The following MYH10 variants were observed in gnomAD, a reference collection of about 807,000 sequenced individuals.
MYH10 encodes the protein myosin heavy chain 10.
A neutral mutation model predicts 257.8 loss-of-function variants in MYH10; 55 were observed. The ratio of observed to expected loss-of-function variants is 0.21; its 90% confidence interval spans 0.17 to 0.27. The LOEUF (loss-of-function observed/expected upper bound fraction) is 0.27, where lower values mean the gene tolerates loss of function less well. MYH10 is among the 10% of genes least tolerant of loss of function. The probability of loss-of-function intolerance (pLI) is 1.00; values close to 1 mark genes in which losing one functional copy is unlikely to be tolerated. For synonymous variants in MYH10, 854 were observed against 921.7 expected (o/e 0.93, Z 1.33); for missense variants, 1,631 against 2,500.6 (o/e 0.65, Z 7.42).
At chr17:8,568,002 C>T (rs1014817353) in intron 7 of MYH10, among the ~76,000 whole-genome samples, 1 of 152,146 alleles carries the variant, frequency 6.6e-6, no homozygotes, top group Non-Finnish European at 1.5e-5. Flanking sequence ...CGTCAGTTAC[C>T]TCTTCATCCC....
chr17:8,559,499 T>G (rs2082916887), intron 7 of MYH10, among the ~76,000 whole-genome samples: 1 of 152,176 alleles, frequency 6.6e-6, no homozygotes, highest in Non-Finnish European at 1.5e-5. Context: ...TTTATTCTTT[T>G]TTTTAGCATA....
intron 36 of MYH10, 103 bp from the exon 37 acceptor site, chr17:8,484,369 T>G: frequency 8.6e-7 from 1 of 1,166,742 alleles, no homozygotes. Flanking sequence ...CAGGCTGATC[T>G]CAAACTCAAG....
At chr17:8,537,137 G>C (rs1020006342) in intron 14 of MYH10, among the ~76,000 whole-genome samples, 7 of 152,140 alleles carry the variant, frequency 4.6e-5, no homozygotes, top group African/African-American at 1.7e-4. Context: ...AAATAGTGAT[G>C]GTCTATTTTC....
rs374580626 is a variant in MYH10, at chr17:8,492,297, G to A, written c.4671C>T (p.Asn1557=). 4.1e-5 allele frequency: 66 copies of A among 1,611,808 alleles called. No homozygotes were observed. Among genetic ancestry groups the A allele is most frequent in the East Asian group, 6.7e-5 (3 of 44,894 alleles). The change falls in exon 34 of 43, where the codon AAC becomes AAT. Residue 1557 remains asparagine, a splice_region_variant and synonymous_variant. Coordinates refer to ENST00000360416, the MANE Select transcript of MYH10 (RefSeq NM_001256012.3). ...LMSSKDDVGK[N]VHELEKSKRA... The stretch of plus-strand genomic sequence containing the variant: ...GTGTGGAGCCCACCAGGCGACTTAC[G>A]TTTTTTCCCACATCATCTTTGGAGC...
Position 8,495,237 on chromosome 17 carries a change from T to G in MYH10, c.3956A>C (p.Glu1319Ala). ...CAGAAGGGTGGAGACATTATCTAGC[T>G]CATTCTGTAAGGAGCAGAAGATTAA... ...LAEKASKLQN[E>A]LDNVSTLLEE... Residue 1319 changes from glutamate to alanine, a missense_variant, in exon 31 of 43, where the codon GAG becomes GCG. Physicochemically the swap from Glu to Ala is moderately radical, Grantham distance 107. This residue lies in a region of MYH10 where 463 missense variants were observed against 621.8 expected (regional missense o/e 0.74). Transcript: ENST00000360416. 2 of 1,597,520 alleles carry G rather than the reference T, an allele frequency of 1.3e-6. No individual in the cohort carries two copies. The highest frequency in any genetic ancestry group is 1.7e-6 in the Non-Finnish European group (2 of 1,165,454).
At chr17:8,622,158 G>C (rs1481795167) in intron 2 of MYH10, among the ~76,000 whole-genome samples, 2 of 152,116 alleles carry the variant, frequency 1.3e-5, no homozygotes, top group Non-Finnish European at 2.9e-5. Flanking sequence ...GTCAGTTTAA[G>C]TCCCACACGT....
At chr17:8,494,559 C>T (rs1916287545) in intron 31 of MYH10, among the ~76,000 whole-genome samples, 1 of 151,782 alleles carries the variant, frequency 6.6e-6, no homozygotes, top group South Asian at 2.1e-4. Flanking sequence ...TTTTTTAATC[C>T]CCAGCACCTA....
chr17:8,555,455 CAG>C (rs1228154238), intron 7 of MYH10, among the ~76,000 whole-genome samples: 4 of 152,146 alleles, frequency 2.6e-5, no homozygotes, highest in Non-Finnish European at 4.4e-5. Flanking sequence ...ATTAGTGAAA[CAG>C]AAGACAGTCC....
rs1016550339 is a variant in MYH10, at chr17:8,548,575, A to G, written c.1063+69T>C. The G allele has an allele frequency of 3.2e-5, 49 of 1,539,816 alleles. 1 individual carries two copies. In the South Asian group the frequency reaches 4.8e-4, roughly 15 times the overall value. ...TAGTTTCCCAGTCATTTTCTAGTTTAGGTGATTTACCCCAGATGTATAAGT... is the reference window on the plus strand; with the variant it reads ...TAGTTTCCCAGTCATTTTCTAGTTTGGGTGATTTACCCCAGATGTATAAGT... On this transcript the variant is annotated intron_variant, in intron 10 of 42. Transcript: ENST00000360416.
intron 7 of MYH10, among the ~76,000 whole-genome samples, chr17:8,563,894 A>T (rs1461486071): frequency 1.1e-3 from 156 of 148,018 alleles, no homozygotes; most frequent in Middle Eastern, 6.9e-3. Context: ...CAACTTGGAA[A>T]AAAAAAAAAA....
chr17:8,620,524 T>C lies in MYH10; in HGVS notation c.345+2378A>G, dbSNP rs2085424313. 2.0e-5 allele frequency among the ~76,000 whole-genome samples: 3 copies of C among 152,074 alleles called. No individual in the cohort carries two copies. In the South Asian group the frequency reaches 6.2e-4, roughly 31 times the overall value. On this transcript the variant is annotated intron_variant, in intron 2 of 42. Coordinates refer to ENST00000360416, the MANE Select transcript of MYH10 (RefSeq NM_001256012.3). ...CCAAAGAAAAGGTAAGAAAATAAAA[T>C]AACTAAACCTGTTAGCAAGCTAATT...
intron 6 of MYH10, chr17:8,573,906 G>A (rs1193596636): frequency 1.4e-6 from 1 of 691,206 alleles, no homozygotes; most frequent in Non-Finnish European, 1.8e-6. Context: ...ACAATGCCAA[G>A]TGCCAATGAG....
chr17:8,514,974 C>T (rs1005500337), intron 21 of MYH10, among the ~76,000 whole-genome samples: 2 of 152,154 alleles, frequency 1.3e-5, no homozygotes, highest in African/African-American at 4.8e-5. Context: ...TCCTGGGCCC[C>T]GCTAACAGTG....
Position 8,578,116 on chromosome 17 carries a change from C to T in MYH10, c.531-778G>A, listed in dbSNP as rs139676671. ...CCACTGAAAGCTTTCTCAGATCCCC[C>T]TCTCAGAGCAGGCTAGTGACGATTC... is the stretch of plus-strand genomic sequence containing the variant. On this transcript the variant is annotated intron_variant, in intron 4 of 42. Coordinates refer to ENST00000360416, the MANE Select transcript of MYH10 (RefSeq NM_001256012.3). Among the ~76,000 whole-genome samples, 314 of 152,284 alleles carry T rather than the reference C, an allele frequency of 2.1e-3. 2 individuals are homozygous for T. Among genetic ancestry groups the T allele is most frequent in the African/African-American group, 7.3e-3 (302 of 41,546 alleles).
intron 21 of MYH10, 59 bp downstream of exon 21, chr17:8,518,572 A>G (rs749600750): frequency 2.0e-5 from 30 of 1,537,920 alleles, no homozygotes; most frequent in Middle Eastern, 3.5e-4. Flanking sequence ...TCAAAATGCA[A>G]TGCTTATCTA....
At chr17:8,510,923 T>C (rs554231432) in intron 24 of MYH10, among the ~76,000 whole-genome samples, 1 of 151,506 alleles carries the variant, frequency 6.6e-6, no homozygotes, top group East Asian at 1.9e-4. Context: ...ATGATAAACA[T>C]GCTATTACAC....
At chr17:8,561,597 T>C in intron 7 of MYH10, 1 of 768,972 alleles carries the variant, frequency 1.3e-6, no homozygotes, top group South Asian at 1.3e-5. Context: ...TCTTAAAGAC[T>C]GAAGACAGAC....
intron 17 of MYH10, among the ~76,000 whole-genome samples, chr17:8,528,190 G>T (rs2081908347): frequency 6.6e-6 from 1 of 152,174 alleles, no homozygotes; most frequent in Admixed American, 6.5e-5. Context: ...GCAGGTGCAG[G>T]TATAAACTAG....
chr17:8,607,942 G>A (rs2084874333), intron 2 of MYH10, among the ~76,000 whole-genome samples: 1 of 152,178 alleles, frequency 6.6e-6, no homozygotes, highest in Non-Finnish European at 1.5e-5. Context: ...GGTAAAAAAT[G>A]CAGACCCAAA....
Sources: gnomAD v4.1 joint callset for allele counts (sites outside exome capture counted in the v4.1 genomes callset) on GRCh38, gnomAD v4.1.1 for gene constraint, gnomAD v4.1.1 regional missense constraint, MANE v1.5 for transcripts, NCBI Gene and HGNC (gene_info 2026-07-23, HGNC 2026-07-21) for gene names.